NAALADL2: variants seen among roughly 807,000 people sequenced by gnomAD.
NAALADL2 encodes inactive N-acetylated-alpha-linked acidic dipeptidase-like protein 2.
Under a neutral mutation model 87.2 loss-of-function variants are expected in NAALADL2, and 76 were observed. The ratio of observed to expected loss-of-function variants is 0.87; its 90% confidence interval spans 0.72 to 1.05. The LOEUF is 1.05. Among genes scored for constraint, NAALADL2 ranks in the 50% least tolerant of loss-of-function variants. The pLI is 0.00. For missense variants in NAALADL2, 1,089 were observed against 945.8 expected, an observed-to-expected ratio of 1.15 and a Z score of -1.99; for synonymous variants, 354 against 331.0, an observed-to-expected ratio of 1.07 and a Z score of -0.75.
intron 9 of NAALADL2, among the ~76,000 whole-genome samples, chr3:175,539,225 C>A (rs955100811): frequency 6.6e-6 from 1 of 152,078 alleles, no homozygotes; most frequent in Admixed American, 6.5e-5. Flanking sequence ...ACTGGTAATT[C>A]CCCAAAATAC....
upstream of NAALADL2, among the ~76,000 whole-genome samples, chr3:174,856,325 A>T (rs115868987): frequency 5.0e-3 from 758 of 152,252 alleles, 2 homozygotes; most frequent in Non-Finnish European, 8.2e-3. Flanking sequence ...ATTAAGAAGT[A>T]CAGTAGTCTT....
chr3:174,704,033 G>T (rs192843745), intron 2 of NAALADL2, among the ~76,000 whole-genome samples: 1 of 152,174 alleles, frequency 6.6e-6, no homozygotes. Context: ...AAGGCATGGG[G>T]TATGTGATCC....
At chr3:174,938,070 A>G (rs528150790) in intron 1 of NAALADL2, among the ~76,000 whole-genome samples, 1 of 152,096 alleles carries the variant, frequency 6.6e-6, no homozygotes, top group African/African-American at 2.4e-5. Flanking sequence ...AAGGTTTGTT[A>G]TACAGGTAAA....
At chr3:175,250,602 C>T (rs922458479) in intron 3 of NAALADL2, among the ~76,000 whole-genome samples, 21 of 152,058 alleles carry the variant, frequency 1.4e-4, no homozygotes, top group African/African-American at 4.8e-4. Context: ...CTCTAGTGGC[C>T]ACCAAATGCC....
At chr3:174,641,288 C>A (rs1254717702) in intron 2 of NAALADL2, among the ~76,000 whole-genome samples, 2 of 152,168 alleles carry the variant, frequency 1.3e-5, no homozygotes, top group African/African-American at 4.8e-5. Flanking sequence ...TTGAGTGCAG[C>A]CTGTGAGGCC....
intron 2 of NAALADL2, among the ~76,000 whole-genome samples, chr3:174,598,506 G>T (rs1462081892): frequency 6.6e-6 from 1 of 152,112 alleles, no homozygotes; most frequent in Non-Finnish European, 1.5e-5. Flanking sequence ...GTTATTTCTT[G>T]GTATCAGACA....
chr3:174,500,079 A>G (rs1306361344), intron 1 of NAALADL2, among the ~76,000 whole-genome samples: 1 of 151,846 alleles, frequency 6.6e-6, no homozygotes, highest in Admixed American at 6.6e-5. Flanking sequence ...CTCTGTTTAC[A>G]TGTATCTTTT....
At chr3:174,939,354 C>T (rs909099779) in intron 1 of NAALADL2, among the ~76,000 whole-genome samples, 1 of 151,932 alleles carries the variant, frequency 6.6e-6, no homozygotes, top group Admixed American at 6.6e-5. Flanking sequence ...CTATTTTGTT[C>T]CATTGGTCCA....
chr3:175,323,367 T>C (rs1490577385), intron 4 of NAALADL2, among the ~76,000 whole-genome samples: 1 of 141,216 alleles, frequency 7.1e-6, no homozygotes, highest in Admixed American at 7.0e-5. Context: ...AGGGATAGCA[T>C]TGGGAGATAT....
rs566849902 is a variant in NAALADL2, at chr3:175,008,904, T to C, written c.44-87886T>C. Among the ~76,000 whole-genome samples, 22 of 152,318 alleles carry C rather than the reference T, an allele frequency of 1.4e-4. No homozygotes were observed. The South Asian group carries it at 4.3e-3, about 30-fold the overall frequency. On this transcript the variant is annotated intron_variant, in intron 1 of 13. Coordinates refer to ENST00000454872, the MANE Select transcript of NAALADL2 (RefSeq NM_207015.3). ...TCAGTAAGATGCAAAGGAAAGGTTG[T>C]TTTGTTTTAAATAAATGCTGTATGT...
chr3:175,310,859 A>G (rs543699166), intron 4 of NAALADL2, among the ~76,000 whole-genome samples: 1 of 152,082 alleles, frequency 6.6e-6, no homozygotes, highest in South Asian at 2.1e-4. Flanking sequence ...TATCAAACAT[A>G]TAGTACTAAT....
intron 10 of NAALADL2, among the ~76,000 whole-genome samples, chr3:175,584,853 TG>T (rs1720313767): frequency 6.6e-6 from 1 of 152,220 alleles, no homozygotes; most frequent in Non-Finnish European, 1.5e-5. Context: ...GAAGTTTCTC[TG>T]GGTGAATGAG....
At chr3:174,728,361 A>G (rs993182324) in intron 2 of NAALADL2, among the ~76,000 whole-genome samples, 13 of 152,092 alleles carry the variant, frequency 8.5e-5, no homozygotes, top group Admixed American at 7.2e-4. Context: ...CAAATTTGAA[A>G]GGGCACTGAT....
intron 3 of NAALADL2, among the ~76,000 whole-genome samples, chr3:175,253,701 C>T (rs1749453356): frequency 6.6e-6 from 1 of 152,164 alleles, no homozygotes; most frequent in Non-Finnish European, 1.5e-5. Context: ...CCATTAGCCA[C>T]ATTTGTGGTT....
At chr3:174,578,521 A>G (rs1263178971) in intron 2 of NAALADL2, among the ~76,000 whole-genome samples, 3 of 151,998 alleles carry the variant, frequency 2.0e-5, no homozygotes, top group Non-Finnish European at 4.4e-5. Flanking sequence ...ATCCATTAAA[A>G]TTATTCTTCA....
intron 9 of NAALADL2, among the ~76,000 whole-genome samples, chr3:175,542,771 A>ATG (rs761141847): frequency 6.6e-5 from 10 of 152,218 alleles, no homozygotes; most frequent in Admixed American, 2.6e-4. Flanking sequence ...GTTTAAATTC[A>ATG]TGTTGTTCCG....
intron 9 of NAALADL2, among the ~76,000 whole-genome samples, chr3:175,477,876 T>G (rs1159315363): frequency 6.6e-6 from 1 of 152,086 alleles, no homozygotes; most frequent in Non-Finnish European, 1.5e-5. Flanking sequence ...ACTCTTTTTT[T>G]GGTTACTTGC....
chr3:174,680,472 A>G (rs988648885), intron 2 of NAALADL2, among the ~76,000 whole-genome samples: 1 of 152,158 alleles, frequency 6.6e-6, no homozygotes, highest in African/African-American at 2.4e-5. Context: ...TACTTTAAGT[A>G]TCTTTGTTTT....
intron 2 of NAALADL2, among the ~76,000 whole-genome samples, chr3:175,219,931 A>G (rs1219964146): frequency 6.7e-6 from 1 of 150,240 alleles, no homozygotes; most frequent in South Asian, 2.1e-4. Flanking sequence ...ATCATAAATA[A>G]TATTTTTTCT....
Sources: allele counts gnomAD v4.1 joint callset (sites outside exome capture counted in the v4.1 genomes callset), GRCh38; gene constraint gnomAD v4.1.1; transcripts MANE v1.5; gene names NCBI Gene and HGNC (gene_info 2026-07-23, HGNC 2026-07-21).